UBXN2B: variants seen among roughly 807,000 people sequenced by gnomAD.
UBXN2B encodes UBX domain-containing protein 2B.
UBXN2B carries 19 observed loss-of-function variants against 37.5 expected under a neutral mutation model. That is an observed-to-expected ratio of 0.51 (90% CI 0.35 to 0.74). UBXN2B has a LOEUF of 0.74. Ranked by LOEUF, UBXN2B falls within the 30% of genes least tolerant of loss-of-function variation. The pLI is 0.01. For missense variants in UBXN2B, 370 were observed against 393.2 expected (o/e 0.94, Z 0.50); for synonymous variants, 145 against 143.8 (o/e 1.01, Z -0.06).
At chr8:58,429,190 G>A (rs1808183814) in intron 2 of UBXN2B, among the ~76,000 whole-genome samples, 1 of 152,204 alleles carries the variant, frequency 6.6e-6, no homozygotes. Flanking sequence ...GATGTGGAAA[G>A]CCTTGAAGGT....
chr8:58,437,318 CTTTTTTTTTTTTTTTT>C (rs773987509), intron 5 of UBXN2B, among the ~76,000 whole-genome samples: 3 of 74,264 alleles, frequency 4.0e-5, no homozygotes, highest in Non-Finnish European at 5.2e-5. Flanking sequence ...GAAGAAATTT[CTTTTTTTTTTTTTTTT>C]TTTTTTTTTT....
rs1385259166 is a variant in UBXN2B, at chr8:58,430,562, C to T, written c.232C>T (p.Arg78Ter). The T allele has an allele frequency of 3.1e-6, 5 of 1,604,030 alleles. No individual in the cohort carries two copies. The highest frequency in any genetic ancestry group is 2.2e-5 in the South Asian group (2 of 89,672). ...EHEYSGLNIV[R>*]PSTGKIVNEL... ...TGAATACAGTGGATTAAATATAGTT[C>T]GACCTTCAACTGGGAAAATTGTGAA... The change falls in exon 3 of 8, where the codon CGA (arginine) becomes TGA (stop). Residue 78 changes from arginine (R) to a stop codon, truncating the protein, a stop_gained. Transcript: ENST00000399598. LOFTEE classifies it high-confidence loss of function.
At chr8:58,446,254 GGT>G (rs1808664816) in intron 7 of UBXN2B, among the ~76,000 whole-genome samples, 186 bp downstream of exon 7, 1 of 144,222 alleles carries the variant, frequency 6.9e-6, no homozygotes, top group Non-Finnish European at 1.5e-5. Flanking sequence ...TGAAATATGT[GGT>G]ATTTAAACAG....
At chr8:58,413,154 C>T (rs1473528071) in intron 1 of UBXN2B, 2 of 152,154 alleles carry the variant, frequency 1.3e-5, no homozygotes, top group Non-Finnish European at 2.9e-5. Flanking sequence ...GCCTTCATTT[C>T]CACCCTAAGT....
At chr8:58,417,603 A>G (rs955939168) in intron 2 of UBXN2B, among the ~76,000 whole-genome samples, 2 of 152,234 alleles carry the variant, frequency 1.3e-5, no homozygotes, top group Admixed American at 6.5e-5. Context: ...TCTTGTTGCC[A>G]GGAATATTTT....
intron 6 of UBXN2B, among the ~76,000 whole-genome samples, chr8:58,440,688 T>A (rs146856947): frequency 5.6e-4 from 85 of 152,344 alleles, no homozygotes; most frequent in Middle Eastern, 6.8e-3. Context: ...CATCCTTTGC[T>A]TCTCTTCATG....
At chr8:58,425,152 C>T (rs1808046764) in intron 2 of UBXN2B, 2 of 860,792 alleles carry the variant, frequency 2.3e-6, no homozygotes, top group Admixed American at 3.4e-5. Flanking sequence ...ATTCCCTTGC[C>T]CAACCTTTGA....
At chr8:58,435,068 C>A in intron 5 of UBXN2B, 1 of 1,437,044 alleles carries the variant, frequency 7.0e-7, no homozygotes, top group East Asian at 2.5e-5. Context: ...AGTGATTTTG[C>A]TATGATAATA....
chr8:58,425,701 A>G (rs1802473924), intron 2 of UBXN2B: 1 of 1,166,052 alleles, frequency 8.6e-7, no homozygotes, highest in Admixed American at 1.7e-5. Context: ...TTTCAGCAAC[A>G]TTTATACGAG....
chr8:58,431,332 T>A (rs1808268743), intron 3 of UBXN2B, among the ~76,000 whole-genome samples: 1 of 152,236 alleles, frequency 6.6e-6, no homozygotes. Flanking sequence ...ATACAATATG[T>A]GACCTTTTGG....
chr8:58,447,615 A>AC lies in UBXN2B; in HGVS notation c.*65dup. On this transcript the variant is annotated 3_prime_UTR_variant, in exon 8 of 8. Transcript: ENST00000399598. ...GATGTGCCGTATTAATAAGGACAATACTTCAGCATTAAAAACAGCCAAATT... is the reference window on the plus strand; with the variant it reads ...GATGTGCCGTATTAATAAGGACAATACCTTCAGCATTAAAAACAGCCAAATT... The AC allele has an allele frequency of 3.6e-6, 5 of 1,382,946 alleles. No individual in the cohort carries two copies. Among genetic ancestry groups the AC allele is most frequent in the South Asian group, 3.8e-5 (2 of 52,674 alleles). The allele number at this position is 1,382,946 out of a possible 1,614,324, so 85.7% of individuals were successfully genotyped here. A position where few individuals can be genotyped will look rare whatever the true frequency, so the allele number is the denominator to read the frequency against.
intron 2 of UBXN2B, among the ~76,000 whole-genome samples, chr8:58,428,073 A>G (rs1172954896): frequency 4.6e-5 from 7 of 152,190 alleles, no homozygotes; most frequent in Admixed American, 4.6e-4. Flanking sequence ...TAACTGAGGG[A>G]AGTCTTTTGT....
Position 58,450,872 on chromosome 8 carries a change from G to A in UBXN2B, c.*3321G>A, listed in dbSNP as rs1808786725. 6.6e-6 allele frequency: 1 copy of A among 152,214 alleles called. No homozygotes were observed. The highest frequency in any genetic ancestry group is 2.4e-5 in the African/African-American group (1 of 41,434). The allele number at this position is 152,214 out of a possible 1,614,324, so 9.4% of individuals were successfully genotyped here. ...ACCAGAACTACCACAGGATGAAAGTGGTGAGCCCACCACTGCAGAGAAGTT... is the reference window on the plus strand; with the variant it reads ...ACCAGAACTACCACAGGATGAAAGTAGTGAGCCCACCACTGCAGAGAAGTT... On this transcript the variant is annotated 3_prime_UTR_variant, in exon 8 of 8. Coordinates refer to ENST00000399598, the MANE Select transcript of UBXN2B (RefSeq NM_001077619.2).
chr8:58,431,042 A>G (rs555962733), intron 3 of UBXN2B, among the ~76,000 whole-genome samples: 11 of 152,226 alleles, frequency 7.2e-5, no homozygotes, highest in African/African-American at 1.9e-4. Context: ...CTCTCTGTCT[A>G]TGTCCTTTTA....
intron 1 of UBXN2B, among the ~76,000 whole-genome samples, chr8:58,412,781 G>A (rs1807670903): frequency 6.6e-6 from 1 of 152,224 alleles, no homozygotes; most frequent in African/African-American, 2.4e-5. Context: ...TTTGTAAACT[G>A]AGGAAGGTCA....
At chr8:58,436,736 C>G (rs946644141) in intron 5 of UBXN2B, among the ~76,000 whole-genome samples, 5 of 152,164 alleles carry the variant, frequency 3.3e-5, no homozygotes, top group African/African-American at 1.2e-4. Context: ...ACCTCCCCTT[C>G]TCTCTTGCTT....
At chr8:58,437,950 G>GCCC (rs35647877) in intron 5 of UBXN2B, among the ~76,000 whole-genome samples, 9 of 143,828 alleles carry the variant, frequency 6.3e-5, no homozygotes, top group Non-Finnish European at 7.6e-5. Context: ...CTTTAAGGCA[G>GCCC]CCCCCCCCCC....
At chr8:58,442,935 C>A (rs1228697014) in intron 6 of UBXN2B, among the ~76,000 whole-genome samples, 3 of 152,212 alleles carry the variant, frequency 2.0e-5, no homozygotes, top group Non-Finnish European at 4.4e-5. Context: ...ATCTGGGGCC[C>A]TAGACCCTGA....
rs771953224 is a variant in UBXN2B at position 58,434,817 on chromosome 8, C to G, written c.533+313C>G. ...AATCAGTGAATTAATTAGTATGTAGCTGCCCACCCACTAAGCCACTGTCCT... is the reference window on the plus strand; with the variant it reads ...AATCAGTGAATTAATTAGTATGTAGGTGCCCACCCACTAAGCCACTGTCCT... On this transcript the variant is annotated intron_variant, in intron 5 of 7. Transcript: ENST00000399598. 31 of 1,534,836 alleles carry G rather than the reference C, an allele frequency of 2.0e-5. 4 individuals carry two copies. The South Asian group carries it at 3.6e-4, about 18-fold the overall frequency.
Sources: gnomAD v4.1 joint callset for allele counts (sites outside exome capture counted in the v4.1 genomes callset) on GRCh38, gnomAD v4.1.1 for gene constraint, MANE v1.5 for transcripts, NCBI Gene and HGNC (gene_info 2026-07-23, HGNC 2026-07-21) for gene names.